Variants in CFAP95 observed in about 807,000 individuals in gnomAD.
CFAP95 encodes cilia and flagella associated protein 95.
At chr9:69,821,151 A>G in the CFAP95 span, 1 of 1,147,142 alleles carries the variant, frequency 8.7e-7, no homozygotes, top group Non-Finnish European at 1.2e-6. Flanking sequence ...CGACAGAGGA[A>G]ACGGAAAAAA....
the CFAP95 span, among the ~76,000 whole-genome samples, chr9:69,861,730 C>CAAAAA: frequency 2.5e-4 from 22 of 86,830 alleles, no homozygotes; most frequent in African/African-American, 4.1e-4. Flanking sequence ...TCTTATGAGT[C>CAAAAA]AAAAAAAAAA....
chr9:69,895,369 C>CTCTCTCTCTGTGTGTGTGTGTGTG, the CFAP95 span, among the ~76,000 whole-genome samples: 1 of 107,848 alleles, frequency 9.3e-6, no homozygotes, highest in Non-Finnish European at 1.8e-5. Flanking sequence ...CTCTCTCTCT[C>CTCTCTCTCTGTGTGTGTGTGTGTG]TGTGTGTGTG....
At chr9:69,831,539 C>A in the CFAP95 span, among the ~76,000 whole-genome samples, 1 of 152,068 alleles carries the variant, frequency 6.6e-6, no homozygotes, top group African/African-American at 2.4e-5. Flanking sequence ...ATCCTCCCTG[C>A]CTTTAGGATG....
At chr9:69,847,328 C>T in the CFAP95 span, among the ~76,000 whole-genome samples, 3 of 152,098 alleles carry the variant, frequency 2.0e-5, no homozygotes, top group Non-Finnish European at 2.9e-5. Context: ...ATGCATGATC[C>T]ACATTGGATA....
the CFAP95 span, among the ~76,000 whole-genome samples, chr9:69,847,148 CTT>C: frequency 7.2e-5 from 11 of 152,120 alleles, no homozygotes; most frequent in Admixed American, 7.2e-4. Flanking sequence ...TTGCCTAAGA[CTT>C]TTATTAAACA....
the CFAP95 span, among the ~76,000 whole-genome samples, chr9:69,845,152 A>C: frequency 1.3e-5 from 2 of 152,200 alleles, no homozygotes; most frequent in African/African-American, 4.8e-5. Flanking sequence ...TGCTATTAAC[A>C]GTGTCATAAT....
the CFAP95 span, among the ~76,000 whole-genome samples, chr9:69,854,016 TA>T: frequency 6.6e-6 from 1 of 152,198 alleles, no homozygotes; most frequent in Admixed American, 6.5e-5. Context: ...AAGTGTAAAA[TA>T]ATCTGAAAAA....
chr9:69,866,072 G>T, the CFAP95 span, among the ~76,000 whole-genome samples: 4 of 152,130 alleles, frequency 2.6e-5, no homozygotes, highest in African/African-American at 9.7e-5. Context: ...ACTCCTCTAT[G>T]CTGCTTCTCT....
the CFAP95 span, among the ~76,000 whole-genome samples, chr9:69,821,269 A>C: frequency 6.6e-6 from 1 of 152,162 alleles, no homozygotes; most frequent in Non-Finnish European, 1.5e-5. Flanking sequence ...GAGAAAAGAA[A>C]GAAAAGGGAA....
At chr9:69,876,583 C>G in the CFAP95 span, among the ~76,000 whole-genome samples, 1 of 151,900 alleles carries the variant, frequency 6.6e-6, no homozygotes, top group Non-Finnish European at 1.5e-5. Flanking sequence ...TATTAATCCT[C>G]TTTTGGTTAG....
chr9:69,821,256 A>T, the CFAP95 span, among the ~76,000 whole-genome samples: 1 of 152,164 alleles, frequency 6.6e-6, no homozygotes, highest in Non-Finnish European at 1.5e-5. Flanking sequence ...AAGGAGGAAA[A>T]GAGAGAAAAG....
chr9:69,839,195 C>CT, the CFAP95 span, among the ~76,000 whole-genome samples: 2 of 117,962 alleles, frequency 1.7e-5, no homozygotes, highest in East Asian at 4.9e-4. Flanking sequence ...CTAAAATTCT[C>CT]TTTTTTTGTT....
the CFAP95 span, among the ~76,000 whole-genome samples, chr9:69,892,423 G>A: frequency 6.6e-6 from 1 of 152,110 alleles, no homozygotes; most frequent in Non-Finnish European, 1.5e-5. Flanking sequence ...TCAAGAGTTG[G>A]GCATGCAGGA....
chr9:69,900,153 C>T, the CFAP95 span, among the ~76,000 whole-genome samples: 5 of 151,974 alleles, frequency 3.3e-5, no homozygotes, highest in African/African-American at 9.7e-5. Flanking sequence ...GGTGTGTGTG[C>T]ATATACACCC....
At chr9:69,868,128 T>A in the CFAP95 span, among the ~76,000 whole-genome samples, 8 of 151,824 alleles carry the variant, frequency 5.3e-5, no homozygotes, top group Admixed American at 5.2e-4. Context: ...CAGTTCAAAT[T>A]GTGGGGACTG....
chr9:69,892,644 C>A, the CFAP95 span, among the ~76,000 whole-genome samples: 1 of 152,176 alleles, frequency 6.6e-6, no homozygotes, highest in South Asian at 2.1e-4. Flanking sequence ...TTTTACCTGC[C>A]TGAACGTTGC....
chr9:69,873,207 G>C, the CFAP95 span, among the ~76,000 whole-genome samples: 1 of 152,136 alleles, frequency 6.6e-6, no homozygotes. Context: ...AAGTTACATG[G>C]TGGATTGACA....
chr9:69,897,051 C>T, the CFAP95 span, among the ~76,000 whole-genome samples: 1 of 152,178 alleles, frequency 6.6e-6, no homozygotes, highest in African/African-American at 2.4e-5. Context: ...CACCATTCTG[C>T]ATGTGTGCTT....
chr9:69,880,883 TTTTGG>T, the CFAP95 span, among the ~76,000 whole-genome samples: 4 of 152,314 alleles, frequency 2.6e-5, no homozygotes, highest in Middle Eastern at 3.4e-3. Context: ...CTCATTGTAG[TTTTGG>T]TTTGCATTTC....
Sources: gnomAD v4.1 joint callset for allele counts (sites outside exome capture counted in the v4.1 genomes callset) on GRCh38, gnomAD v4.1.1 for gene constraint, MANE v1.5 for transcripts, NCBI Gene and HGNC (gene_info 2026-07-23, HGNC 2026-07-21) for gene names.